The following TNPO2 variants were observed in gnomAD, a reference collection of about 807,000 sequenced individuals.
The protein encoded by TNPO2 is transportin-2.
Under a neutral mutation model 111.1 loss-of-function variants are expected in TNPO2, and 16 were observed. The observed-to-expected ratio is 0.14, with a 90% CI of 0.10 to 0.22. TNPO2 has a LOEUF of 0.22. Ranked by LOEUF, TNPO2 falls within the 10% of genes least tolerant of loss-of-function variation. The pLI is 1.00. For synonymous variants in TNPO2, 481 were observed against 475.8 expected, an observed-to-expected ratio of 1.01 and a Z score of -0.14; for missense variants, 530 against 1,173.7, an observed-to-expected ratio of 0.45 and a Z score of 8.01.
rs2025395730 is a variant in TNPO2, at chr19:12,702,712, G to A, written c.2305+111C>T. The A allele has an allele frequency of 5.1e-6, 5 of 987,788 alleles. No individual in the cohort carries two copies. The highest frequency in any genetic ancestry group is 6.3e-6 in the Non-Finnish European group (4 of 635,754). 61.2% of individuals were successfully genotyped at this position (987,788 alleles called of 1,614,324 possible). On this transcript the variant is annotated intron_variant, in intron 21 of 25. Transcript: ENST00000425528. This position sits in a 1 kb window ranked among gnomAD's most constrained non-coding sequence, Gnocchi z 5.5. ...CAGTGACCCCTTCCAGGTACTTCCA[G>A]ACACCCTCCTTGGTTCCTTGACAAG... is the stretch of plus-strand genomic sequence containing the variant.
intron 10 of TNPO2, among the ~76,000 whole-genome samples, chr19:12,714,314 CT>C (rs930361446): frequency 3.0e-3 from 415 of 136,236 alleles, no homozygotes; most frequent in Non-Finnish European, 2.8e-3. Flanking sequence ...TTTTTCATTT[CT>C]TTTTTTTTTT....
At position 12,701,207 on chromosome 19, in the gene TNPO2, C is replaced by G. The variant is rs2025275236; in HGVS notation, c.*57G>C. On this transcript the variant is annotated 3_prime_UTR_variant, in exon 26 of 26. Transcript: ENST00000425528. This position sits in a 1 kb window ranked among gnomAD's most constrained non-coding sequence, Gnocchi z 5.0. ...CAGCGACTTCCGGATGCAGCGCACT[C>G]CCCAGTAATCCCTCCGACGACGACG... The G allele has an allele frequency of 1.5e-6, 1 of 666,070 alleles. No homozygotes were observed. The highest frequency in any genetic ancestry group is 2.8e-5 in the Admixed American group (1 of 35,576). The allele number at this position is 666,070 out of a possible 1,614,324, so 41.3% of individuals were successfully genotyped here. A position where few individuals can be genotyped will look rare whatever the true frequency, so the allele number is the denominator to read the frequency against.
rs1009555688 is a variant in TNPO2 at position 12,710,634 on chromosome 19, G to A, written c.1257C>T (p.Gly419=). 19 of 1,613,186 alleles carry A rather than the reference G, an allele frequency of 1.2e-5. No homozygotes were observed. Among genetic ancestry groups the A allele is most frequent in the African/African-American group, 5.3e-5 (4 of 74,900 alleles). Residue 419 remains glycine (G), a synonymous_variant, in exon 13 of 26, where the codon GGC becomes GGT. Coordinates refer to ENST00000425528, the MANE Select transcript of TNPO2 (RefSeq NM_001382241.1). The part of the protein sequence containing the change: ...VVKESGILVL[G]AIAEGCMQGM... ...AGGCGCACTCACCCTCAGCAATGGC[G>A]CCCAGCACCAGGATGCCCGACTCCT...
intron 3 of TNPO2, among the ~76,000 whole-genome samples, chr19:12,720,653 C>T (rs1281963314): frequency 1.3e-5 from 2 of 152,120 alleles, no homozygotes; most frequent in African/African-American, 4.8e-5. Context: ...GGAGTAGATG[C>T]TAGCGTTCGA....
intron 10 of TNPO2, among the ~76,000 whole-genome samples, chr19:12,713,480 A>ATGAT (rs2026179852): frequency 7.0e-6 from 1 of 143,294 alleles, no homozygotes; most frequent in African/African-American, 2.7e-5. Flanking sequence ...CCTCTAATGA[A>ATGAT]TGATAAATAA....
At chr19:12,723,443 A>C (rs1967137585) in intron 1 of TNPO2, 78 bp from the exon 2 acceptor site, 1 of 151,930 alleles carries the variant, frequency 6.6e-6, no homozygotes, top group African/African-American at 2.4e-5. Flanking sequence ...GCCGATAACA[A>C]AGTGGGAGAC....
At position 12,706,374 on chromosome 19, in the gene TNPO2, G is replaced by A. The variant is rs201984846; in HGVS notation, c.1497-7C>T. 15 of 1,614,114 alleles carry A rather than the reference G, an allele frequency of 9.3e-6. No homozygotes were observed. Among genetic ancestry groups the A allele is most frequent in the Non-Finnish European group, 1.2e-5 (14 of 1,180,022 alleles). On this transcript the variant is annotated splice_region_variant and splice_polypyrimidine_tract_variant and intron_variant, in intron 14 of 25. Coordinates refer to ENST00000425528, the MANE Select transcript of TNPO2 (RefSeq NM_001382241.1). This position sits in a 1 kb window ranked among gnomAD's most constrained non-coding sequence, Gnocchi z 7.0. ...CTCCAGGGTGGCAAAAGCACTGGTG[G>A]GAGGGAGGATGAAGCGGGGGCTCAG...
At chr19:12,708,076 C>A (rs1599414586) in intron 13 of TNPO2, among the ~76,000 whole-genome samples, 2 of 152,340 alleles carry the variant, frequency 1.3e-5, no homozygotes, top group East Asian at 3.9e-4. Context: ...ACCGCCTCGG[C>A]CTCCCAAAGT....
chr19:12,713,103 G>A (rs1336820600), intron 10 of TNPO2, among the ~76,000 whole-genome samples: 1 of 152,152 alleles, frequency 6.6e-6, no homozygotes, highest in East Asian at 1.9e-4. Context: ...ATAGACCCCT[G>A]AATACACTGA....
At chr19:12,714,753 G>T in intron 10 of TNPO2, 68 bp downstream of exon 10, 1 of 1,257,672 alleles carries the variant, frequency 8.0e-7, no homozygotes, top group Non-Finnish European at 1.2e-6. Context: ...CAGGTGACCA[G>T]AAGGGAAGGC....
At chr19:12,722,387 C>CA (rs1967038287) in intron 2 of TNPO2, 3 of 149,754 alleles carry the variant, frequency 2.0e-5, no homozygotes, top group Admixed American at 2.0e-4. Context: ...GCCCCGACGC[C>CA]CGGGCCGCGC....
At chr19:12,714,044 AAAAT>A (rs2026223713) in intron 10 of TNPO2, among the ~76,000 whole-genome samples, 1 of 152,120 alleles carries the variant, frequency 6.6e-6, no homozygotes. Flanking sequence ...AAAAAAGAAA[AAAAT>A]GATTTGGAGA....
chr19:12,710,836 T>C, intron 12 of TNPO2, 63 bp from the exon 13 acceptor site: 2 of 1,422,006 alleles, frequency 1.4e-6, no homozygotes, highest in South Asian at 2.6e-5. Flanking sequence ...CCGACCCTCC[T>C]TGACTGCACT....
chr19:12,717,728 G>A (rs1398737770), intron 5 of TNPO2, among the ~76,000 whole-genome samples: 1 of 152,106 alleles, frequency 6.6e-6, no homozygotes, highest in Admixed American at 6.6e-5. Flanking sequence ...CCAGGATAGA[G>A]TACAGTGGCA....
Position 12,719,756 on chromosome 19 carries a change from G to A in TNPO2, c.100-420C>T, listed in dbSNP as rs772216464. Among the ~76,000 whole-genome samples, 5 of 151,478 alleles carry A rather than the reference G, an allele frequency of 3.3e-5. No homozygotes were observed. The highest frequency in any genetic ancestry group is 2.1e-4 in the South Asian group (1 of 4,808). ...GAAGGTTGCAGTGAGCCGAGATTGC[G>A]CCTCTGCATTCCAGTCTGGGCGACA... On this transcript the variant is annotated intron_variant, in intron 3 of 25. Transcript: ENST00000425528. The surrounding 1 kb of genome is among the most constrained non-coding windows in gnomAD (Gnocchi z 5.0).
chr19:12,711,866 G>GTT (rs35251364), intron 10 of TNPO2, among the ~76,000 whole-genome samples: 28 of 142,504 alleles, frequency 2.0e-4, no homozygotes, highest in African/African-American at 3.9e-4. Flanking sequence ...CCAGAGAAAG[G>GTT]TTTTTTTTTT....
At chr19:12,704,948 G>C (rs2025549560) in intron 18 of TNPO2, among the ~76,000 whole-genome samples, 2 of 152,014 alleles carry the variant, frequency 1.3e-5, no homozygotes, top group Non-Finnish European at 1.5e-5. Flanking sequence ...CTCCCAAAGT[G>C]CTGGATTATA....
At chr19:12,716,162 C>G (rs1479405913) in intron 5 of TNPO2, among the ~76,000 whole-genome samples, 3 of 152,228 alleles carry the variant, frequency 2.0e-5, no homozygotes, top group Non-Finnish European at 4.4e-5. Context: ...TGAGCCACCG[C>G]TCCTGGCCTT....
intron 10 of TNPO2, among the ~76,000 whole-genome samples, 162 bp from the exon 11 acceptor site, chr19:12,711,775 T>C (rs1242848709): frequency 4.6e-5 from 7 of 152,084 alleles, no homozygotes; most frequent in African/African-American, 7.2e-5. Flanking sequence ...TAGGTGCAAA[T>C]TGATCCATTT....
Sources: gnomAD v4.1 joint callset for allele counts (sites outside exome capture counted in the v4.1 genomes callset) on GRCh38, gnomAD v4.1.1 for gene constraint, Gnocchi (gnomAD v3.1) non-coding constraint, MANE v1.5 for transcripts, NCBI Gene and HGNC (gene_info 2026-07-23, HGNC 2026-07-21) for gene names.